TET3: variants seen among roughly 807,000 people sequenced by gnomAD.
TET3 encodes tet methylcytosine dioxygenase 3, also known as methylcytosine dioxygenase TET3.
TET3 carries 19 observed loss-of-function variants against 141.4 expected under a neutral mutation model. That is an observed-to-expected ratio of 0.13 (90% CI 0.09 to 0.20). The LOEUF (loss-of-function observed/expected upper bound fraction) is 0.20, where lower values mean the gene tolerates loss of function less well. Ranked by LOEUF, TET3 falls within the 10% of genes least tolerant of loss-of-function variation. The pLI is 1.00. For synonymous variants in TET3, 1,043 were observed against 980.9 expected (o/e 1.06, Z -1.18); for missense variants, 1,874 against 2,356.9 (o/e 0.80, Z 4.24).
At position 74,093,651 on chromosome 2, in the gene TET3, C is replaced by T. The variant is rs189570090; in HGVS notation, c.3252C>T (p.Tyr1084=). The T allele has an allele frequency of 2.0e-4, 323 of 1,611,616 alleles. 1 individual carries two copies. In the Admixed American group the frequency reaches 2.0e-3, roughly 10 times the overall value. ...AHAHKDQHNL[Y]NGCTVVCTLT... is the part of the protein sequence containing the mutation. ...CCCACAAGGACCAGCATAACCTCTA[C>T]AATGGGTGCACCGTGGTAAGCCTGT... The change falls in exon 10 of 12, where the codon TAC becomes TAT. Residue 1084 remains tyrosine (Y), a synonymous_variant. Coordinates refer to ENST00000409262, the MANE Select transcript of TET3 (RefSeq NM_001287491.2). This position sits in a 1 kb window ranked among gnomAD's most constrained non-coding sequence, Gnocchi z 4.2.
upstream of TET3, among the ~76,000 whole-genome samples, chr2:73,984,765 A>ACCCCT (rs1292221978): frequency 1.4e-5 from 2 of 142,276 alleles, no homozygotes; most frequent in East Asian, 2.2e-4. This position sits in a 1 kb window ranked among gnomAD's most constrained non-coding sequence, Gnocchi z 5.6. Context: ...CGCCCACCCG[A>ACCCCT]CCCCTCCCCT....
At chr2:74,034,575 T>C (rs1303587927) in intron 3 of TET3, among the ~76,000 whole-genome samples, 1 of 130,050 alleles carries the variant, frequency 7.7e-6, no homozygotes, top group Admixed American at 7.7e-5. Context: ...GAGCATTGAT[T>C]AAAAAAAAAA....
chr2:74,062,625 C>T (rs1688655925), intron 4 of TET3, among the ~76,000 whole-genome samples: 2 of 152,036 alleles, frequency 1.3e-5, no homozygotes, highest in Non-Finnish European at 2.9e-5. Flanking sequence ...TTCCAGATTA[C>T]CAGGGATGGT....
chr2:74,134,071 T>C, the TET3 span, among the ~76,000 whole-genome samples: 1 of 152,138 alleles, frequency 6.6e-6, no homozygotes, highest in Non-Finnish European at 1.5e-5. Flanking sequence ...ATCACCATAT[T>C]GAGCCCACTC....
chr2:74,000,682 C>G (rs945430373), intron 2 of TET3, among the ~76,000 whole-genome samples: 2 of 152,094 alleles, frequency 1.3e-5, no homozygotes, highest in Non-Finnish European at 2.9e-5. Context: ...TTGGCAGAGA[C>G]AGACAGAACT....
Position 74,060,272 on chromosome 2 carries a change from G to T in TET3, c.2494+11861G>T, listed in dbSNP as rs572981215. On this transcript the variant is annotated intron_variant, in intron 4 of 11. Transcript: ENST00000409262. ...AGCAGTTTTTCATATGCCGTCTTTT[G>T]TGGAGTTCCTGTTCAAGTCATTTCT... 2.0e-5 allele frequency among the ~76,000 whole-genome samples: 3 copies of T among 152,276 alleles called. No individual in the cohort carries two copies. The South Asian group carries it at 6.2e-4, about 32-fold the overall frequency.
intron 3 of TET3, among the ~76,000 whole-genome samples, chr2:74,045,010 G>A (rs979587446): frequency 3.9e-5 from 6 of 152,194 alleles, no homozygotes; most frequent in African/African-American, 1.4e-4. Flanking sequence ...GGAAGAGATT[G>A]TTCTCTTCAA....
rs1301978773 is a variant in TET3 at position 74,099,411 on chromosome 2, G to A, written c.3403G>A (p.Gly1135Ser). 2 of 1,614,010 alleles carry A rather than the reference G, an allele frequency of 1.2e-6. No homozygotes were observed. The highest frequency in any genetic ancestry group is 8.5e-7 in the Non-Finnish European group (1 of 1,179,894). ...CGAGGAGAACCAGAATGCAAAGGTG[G>A]GCAGCGGAGCCATCCAGGTGCTCAC... ...GSEENQNAKV[G>S]SGAIQVLTAF... Residue 1135 changes from glycine to serine, a missense_variant, in exon 11 of 12, where the codon GGC becomes AGC. Coordinates refer to ENST00000409262, the MANE Select transcript of TET3 (RefSeq NM_001287491.2).
chr2:74,027,213 T>G (rs1188714028), intron 3 of TET3, among the ~76,000 whole-genome samples: 1 of 152,212 alleles, frequency 6.6e-6, no homozygotes, highest in African/African-American at 2.4e-5. Context: ...TCCTTGAGCT[T>G]GTGTTCAGTT....
chr2:74,051,677 A>G (rs1687950970), intron 4 of TET3, among the ~76,000 whole-genome samples: 1 of 152,208 alleles, frequency 6.6e-6, no homozygotes, highest in African/African-American at 2.4e-5. Context: ...CCAAGTACTT[A>G]ATAGTCACCA....
chr2:74,024,895 T>C (rs1269104334), intron 3 of TET3, among the ~76,000 whole-genome samples: 1 of 152,228 alleles, frequency 6.6e-6, no homozygotes, highest in East Asian at 1.9e-4. Context: ...TCCTTTTCTT[T>C]CTCTGTAATT....
chr2:74,112,199 G>T (rs542543063), downstream of TET3, among the ~76,000 whole-genome samples: 1 of 151,890 alleles, frequency 6.6e-6, no homozygotes, highest in Non-Finnish European at 1.5e-5. Context: ...GGCCCCACAG[G>T]ACTTGGCCCC....
the TET3 span, among the ~76,000 whole-genome samples, chr2:74,129,238 C>T: frequency 5.4e-4 from 74 of 136,296 alleles, no homozygotes; most frequent in Non-Finnish European, 5.7e-4. Flanking sequence ...ATCTCTTGAA[C>T]CCGGGAGGCA....
chr2:74,057,513 G>C (rs1688281010), intron 4 of TET3, among the ~76,000 whole-genome samples: 1 of 152,220 alleles, frequency 6.6e-6, no homozygotes, highest in Non-Finnish European at 1.5e-5. Flanking sequence ...GCACTGTCCA[G>C]GTAAACAGGA....
intron 4 of TET3, 128 bp from the exon 5 acceptor site, chr2:74,073,421 T>C: frequency 1.7e-6 from 1 of 584,238 alleles, no homozygotes; most frequent in South Asian, 2.4e-5. Flanking sequence ...CCTTTTCACA[T>C]GTTCATAAGC....
intron 7 of TET3, among the ~76,000 whole-genome samples, chr2:74,088,409 G>A (rs565533744): frequency 2.6e-5 from 4 of 151,600 alleles, no homozygotes; most frequent in South Asian, 2.1e-4. Context: ...TTGGGAGGCC[G>A]AAGTGGGTGG....
rs546707126 is a variant in TET3, at chr2:74,056,791, A to C, written c.2494+8380A>C. On this transcript the variant is annotated intron_variant, in intron 4 of 11. Transcript: ENST00000409262. ...TAGAGGAAAAGCTTTCATCAGCTGA[A>C]ATTTGGGAATAGCCCCAATCTTCAA... 1.9e-3 allele frequency among the ~76,000 whole-genome samples: 289 copies of C among 152,324 alleles called. 2 individuals are homozygous for C. In the South Asian group the frequency reaches 0.019, roughly 10 times the overall value.
chr2:73,997,103 C>T (rs1684632385), intron 2 of TET3, among the ~76,000 whole-genome samples: 1 of 152,240 alleles, frequency 6.6e-6, no homozygotes, highest in Non-Finnish European at 1.5e-5. Flanking sequence ...ATTCCAGATT[C>T]TCAGAATGGA....
intron 2 of TET3, among the ~76,000 whole-genome samples, chr2:73,991,266 T>C (rs1208094168): frequency 6.6e-6 from 1 of 151,968 alleles, no homozygotes; most frequent in African/African-American, 2.4e-5. Context: ...GAAAATTAGC[T>C]GGAGGGATAG....
Sources: gnomAD v4.1 joint callset for allele counts (sites outside exome capture counted in the v4.1 genomes callset) on GRCh38, gnomAD v4.1.1 for gene constraint, Gnocchi (gnomAD v3.1) non-coding constraint, MANE v1.5 for transcripts, NCBI Gene and HGNC (gene_info 2026-07-23, HGNC 2026-07-21) for gene names.